The following ROBO1 variants were observed in gnomAD, a reference collection of about 807,000 sequenced individuals.
The protein encoded by ROBO1 is roundabout homolog 1.
A neutral mutation model predicts 195.9 loss-of-function variants in ROBO1; 149 were observed. The ratio of observed to expected loss-of-function variants is 0.76; its 90% CI spans 0.67 to 0.87. The LOEUF (loss-of-function observed/expected upper bound fraction) is 0.87. Ranked by LOEUF, ROBO1 falls within the 40% of genes least tolerant of loss-of-function variation. The pLI, the probability that ROBO1 is intolerant of heterozygous loss-of-function variation, is 0.00. For synonymous variants in ROBO1, 816 were observed against 733.2 expected (o/e 1.11, Z -1.82); for missense variants, 1,933 against 2,068.3 (o/e 0.93, Z 1.27).
intron 3 of ROBO1, among the ~76,000 whole-genome samples, chr3:79,059,335 C>A (rs1232479698): frequency 6.6e-6 from 1 of 152,002 alleles, no homozygotes; most frequent in Non-Finnish European, 1.5e-5. Flanking sequence ...CTAGACTAAA[C>A]CTCATGACTT....
intron 4 of ROBO1, among the ~76,000 whole-genome samples, chr3:78,840,287 C>T (rs1004203266): frequency 6.6e-6 from 1 of 152,154 alleles, no homozygotes; most frequent in East Asian, 1.9e-4. Context: ...TAAAACTGCA[C>T]CTTCATATGA....
Position 79,523,481 on chromosome 3 carries a change from T to C in ROBO1, c.88+66343A>G, listed in dbSNP as rs1049447024. 1.2e-3 allele frequency among the ~76,000 whole-genome samples: 174 copies of C among 148,732 alleles called. 2 individuals are homozygous for C. In the East Asian group the frequency reaches 0.023, roughly 20 times the overall value. ...TCTTTCTTTTTTTTTTCTTTTTTTTTTTTTTTTTGAGAAGGAGTTTTGCTC... is the reference window on the plus strand; with the variant it reads ...TCTTTCTTTTTTTTTTCTTTTTTTTCTTTTTTTTGAGAAGGAGTTTTGCTC... On this transcript the variant is annotated intron_variant, in intron 2 of 30. Coordinates refer to ENST00000464233, the MANE Select transcript of ROBO1 (RefSeq NM_002941.4).
At chr3:79,278,768 C>T (rs538156012) in intron 2 of ROBO1, among the ~76,000 whole-genome samples, 1 of 152,164 alleles carries the variant, frequency 6.6e-6, no homozygotes, top group South Asian at 2.1e-4. Context: ...TGCTTCAGAA[C>T]ATTGGCCTGG....
At chr3:79,018,492 A>T (rs1260126715) in intron 3 of ROBO1, 2 of 1,613,500 alleles carry the variant, frequency 1.2e-6, no homozygotes, top group Non-Finnish European at 1.7e-6. Context: ...ATACAGTCTC[A>T]TGCCAAGAGG....
chr3:78,611,123 A>G (rs1387210432), intron 28 of ROBO1, among the ~76,000 whole-genome samples: 3 of 152,200 alleles, frequency 2.0e-5, no homozygotes, highest in Non-Finnish European at 4.4e-5. Context: ...CATGTAAAGT[A>G]ACATATAAGA....
At chr3:79,220,494 T>C (rs964536501) in intron 2 of ROBO1, among the ~76,000 whole-genome samples, 3 of 152,050 alleles carry the variant, frequency 2.0e-5, no homozygotes, top group South Asian at 2.1e-4. Flanking sequence ...GATACTCAAT[T>C]ATTTATCGCC....
intron 4 of ROBO1, among the ~76,000 whole-genome samples, chr3:78,780,666 C>T (rs185940013): frequency 7.9e-5 from 12 of 152,184 alleles, no homozygotes; most frequent in Non-Finnish European, 1.8e-4. Context: ...GATCAGGAAG[C>T]CTATTTTCAG....
intron 2 of ROBO1, among the ~76,000 whole-genome samples, chr3:79,270,827 C>G (rs12629261): frequency 6.6e-6 from 1 of 151,662 alleles, no homozygotes; most frequent in Non-Finnish European, 1.5e-5. Context: ...ATGGCTTTTT[C>G]GGCTTGACAA....
At chr3:78,647,751 A>G (rs2107602463) in intron 19 of ROBO1, 96 bp from the exon 20 acceptor site, 2 of 1,014,140 alleles carry the variant, frequency 2.0e-6, no homozygotes, top group Middle Eastern at 2.1e-4. Context: ...GCTGAACATA[A>G]AACAAATGTA....
chr3:78,853,701 C>T (rs1471902377), intron 4 of ROBO1, among the ~76,000 whole-genome samples: 2 of 152,010 alleles, frequency 1.3e-5, no homozygotes, highest in African/African-American at 4.8e-5. Context: ...AGTCCATTTT[C>T]ACGCTGCTGA....
chr3:78,764,626 A>G (rs2083183200), intron 4 of ROBO1, among the ~76,000 whole-genome samples: 1 of 152,168 alleles, frequency 6.6e-6, no homozygotes, highest in South Asian at 2.1e-4. Context: ...CTATCTTAAT[A>G]TAGTAAGTAA....
At chr3:79,279,303 C>CAACAA (rs146849336) in intron 2 of ROBO1, among the ~76,000 whole-genome samples, 1 of 151,678 alleles carries the variant, frequency 6.6e-6, no homozygotes, top group African/African-American at 2.4e-5. Flanking sequence ...ACAAAAACAA[C>CAACAA]AACAAAACAA....
At chr3:79,074,643 G>T (rs2079141961) in intron 3 of ROBO1, among the ~76,000 whole-genome samples, 1 of 151,380 alleles carries the variant, frequency 6.6e-6, no homozygotes, top group Non-Finnish European at 1.5e-5. Flanking sequence ...TGCCCAGGCT[G>T]GTCTCCAACC....
At chr3:79,346,669 T>C (rs1186233699) in intron 2 of ROBO1, among the ~76,000 whole-genome samples, 3 of 152,156 alleles carry the variant, frequency 2.0e-5, no homozygotes, top group East Asian at 1.9e-4. Context: ...ACTTTTCAAC[T>C]AAAGCTTGAA....
At chr3:79,147,000 A>G (rs1323809629) in intron 2 of ROBO1, among the ~76,000 whole-genome samples, 11 of 152,010 alleles carry the variant, frequency 7.2e-5, no homozygotes. Context: ...TTTTAGAAAG[A>G]TATGCAAATA....
intron 3 of ROBO1, among the ~76,000 whole-genome samples, chr3:79,020,434 G>C (rs2078075353): frequency 6.6e-6 from 1 of 152,198 alleles, no homozygotes; most frequent in East Asian, 1.9e-4. Context: ...GCTCACACCT[G>C]TAATCTCAGC....
intron 4 of ROBO1, among the ~76,000 whole-genome samples, chr3:78,766,422 G>A (rs753489875): frequency 3.3e-5 from 5 of 152,070 alleles, no homozygotes; most frequent in Non-Finnish European, 1.5e-5. Flanking sequence ...AAGCTTGGTC[G>A]CTGTTGGTGT....
At chr3:78,882,329 A>T (rs572108806) in intron 4 of ROBO1, among the ~76,000 whole-genome samples, 1 of 152,166 alleles carries the variant, frequency 6.6e-6, no homozygotes, top group African/African-American at 2.4e-5. Context: ...GTAGTAAGTA[A>T]TTTTTTTCTA....
intron 1 of ROBO1, among the ~76,000 whole-genome samples, chr3:79,724,569 G>A (rs1043548791): frequency 6.6e-6 from 1 of 152,188 alleles, no homozygotes; most frequent in Non-Finnish European, 1.5e-5. Context: ...CCACGCTAGA[G>A]AGGACAACAA....
Sources: gnomAD v4.1 joint callset for allele counts (sites outside exome capture counted in the v4.1 genomes callset) on GRCh38, gnomAD v4.1.1 for gene constraint, MANE v1.5 for transcripts, NCBI Gene and HGNC (gene_info 2026-07-23, HGNC 2026-07-21) for gene names.